The following SAXO1 variants were observed in gnomAD, a reference collection of about 807,000 sequenced individuals.
SAXO1 encodes stabilizer of axonemal microtubules 1.
SAXO1 carries 21 observed loss-of-function variants against 17.5 expected under a neutral mutation model. That is an observed-to-expected ratio of 1.20 (90% CI 0.85 to 1.72). The LOEUF is 1.72. Ranked by LOEUF, SAXO1 falls within the 40% of genes most tolerant of loss-of-function variation. The probability of loss-of-function intolerance (pLI) is 0.00; values close to 1 mark genes in which losing one functional copy is unlikely to be tolerated. For synonymous variants in SAXO1, 274 were observed against 216.5 expected (o/e 1.27, Z -2.33); for missense variants, 843 against 596.0 (o/e 1.41, Z -4.32).
chr9:19,001,517 A>G (rs1834261130), intron 1 of SAXO1, among the ~76,000 whole-genome samples: 1 of 152,026 alleles, frequency 6.6e-6, no homozygotes, highest in Non-Finnish European at 1.5e-5. Flanking sequence ...AACACAAAAA[A>G]TTAGCCAGGT....
At chr9:19,006,442 GAAAT>G (rs1177871871) in intron 1 of SAXO1, among the ~76,000 whole-genome samples, 1 of 152,162 alleles carries the variant, frequency 6.6e-6, no homozygotes. Context: ...GTCTTAAAAA[GAAAT>G]AAAATTTGGA....
intron 1 of SAXO1, among the ~76,000 whole-genome samples, chr9:18,986,256 G>A (rs1833589150): frequency 6.6e-6 from 1 of 152,120 alleles, no homozygotes; most frequent in African/African-American, 2.4e-5. Context: ...CTATTGGGTT[G>A]GTCTTTTTCA....
chr9:19,010,751 G>A (rs981490745), intron 1 of SAXO1, among the ~76,000 whole-genome samples: 1 of 152,190 alleles, frequency 6.6e-6, no homozygotes, highest in East Asian at 1.9e-4. Context: ...GTATACAACA[G>A]TATTCTAGGA....
intron 1 of SAXO1, among the ~76,000 whole-genome samples, chr9:19,003,543 G>T (rs931198618): frequency 2.0e-5 from 3 of 152,112 alleles, no homozygotes; most frequent in African/African-American, 7.2e-5. Flanking sequence ...TACCAAAACA[G>T]ACATATAGAC....
At chr9:18,950,675 T>G in intron 2 of SAXO1, 83 bp downstream of exon 2, 1 of 1,249,564 alleles carries the variant, frequency 8.0e-7, no homozygotes, top group South Asian at 1.6e-5. Flanking sequence ...CACTGCACAT[T>G]ACATTAATAT....
chr9:18,944,839 A>G (rs1831721331), intron 2 of SAXO1, among the ~76,000 whole-genome samples: 1 of 152,254 alleles, frequency 6.6e-6, no homozygotes. Flanking sequence ...ACAAAGGGCC[A>G]TGCAACACTT....
chr9:18,959,319 C>T (rs60784683), intron 1 of SAXO1, among the ~76,000 whole-genome samples: 23,836 of 151,924 alleles, frequency 0.16, 3,997 homozygotes, highest in African/African-American at 0.42. Context: ...CAAAAATAAT[C>T]GGTGGAAAAA....
chr9:18,988,039 A>C (rs1052935439), intron 1 of SAXO1, among the ~76,000 whole-genome samples: 7 of 152,348 alleles, frequency 4.6e-5, no homozygotes, highest in African/African-American at 1.4e-4. Flanking sequence ...CAACTTCTTT[A>C]AACACTACTC....
intron 1 of SAXO1, among the ~76,000 whole-genome samples, chr9:19,029,356 G>T (rs1835655704): frequency 6.6e-6 from 1 of 152,144 alleles, no homozygotes; most frequent in Non-Finnish European, 1.5e-5. Flanking sequence ...GGGAACTGAA[G>T]CCCAGAGAGA....
intron 2 of SAXO1, among the ~76,000 whole-genome samples, chr9:18,949,146 T>C (rs1354045414): frequency 6.6e-6 from 1 of 152,200 alleles, no homozygotes; most frequent in African/African-American, 2.4e-5. Context: ...GTTTAATAAG[T>C]CATAGGTTGA....
At chr9:19,019,229 C>A (rs193259442) in intron 1 of SAXO1, among the ~76,000 whole-genome samples, 5 of 152,086 alleles carry the variant, frequency 3.3e-5, no homozygotes, top group Non-Finnish European at 7.4e-5. Context: ...CTTTCAAGTC[C>A]GATGATCATA....
chr9:18,969,418 A>C (rs770308094), intron 1 of SAXO1, among the ~76,000 whole-genome samples: 5 of 152,176 alleles, frequency 3.3e-5, no homozygotes, highest in African/African-American at 4.8e-5. Flanking sequence ...GCTGTGCTAA[A>C]CAAATATTTC....
In SAXO1 at chr9:18,927,970, A is replaced by G. The variant is rs1830834893; in HGVS notation, c.*82T>C. ...TTTTTTGTTTTTTGTCATTTTAGGGAATTCTTTTTTGTCCAACAAATAATT... is the reference window on the plus strand; with the variant it reads ...TTTTTTGTTTTTTGTCATTTTAGGGGATTCTTTTTTGTCCAACAAATAATT... On this transcript the variant is annotated 3_prime_UTR_variant, in exon 4 of 4. Coordinates refer to ENST00000380534, the MANE Select transcript of SAXO1 (RefSeq NM_153707.4). 3 of 1,423,150 alleles carry G rather than the reference A, an allele frequency of 2.1e-6. No individual in the cohort carries two copies. Among genetic ancestry groups the G allele is most frequent in the Admixed American group, 4.8e-5 (2 of 41,972 alleles). The allele number at this position is 1,423,150 out of a possible 1,614,324, so 88.2% of individuals were successfully genotyped here.
At chr9:18,993,572 A>C (rs1311194125) in intron 1 of SAXO1, among the ~76,000 whole-genome samples, 1 of 152,216 alleles carries the variant, frequency 6.6e-6, no homozygotes, top group Non-Finnish European at 1.5e-5. Context: ...CAGGAGAGGT[A>C]CAAGTTACAG....
At chr9:18,932,269 C>G (rs550711572) in intron 3 of SAXO1, among the ~76,000 whole-genome samples, 2 of 152,328 alleles carry the variant, frequency 1.3e-5, no homozygotes, top group Admixed American at 6.5e-5. Context: ...GTCCCAGCAC[C>G]ATTCATCAAA....
At chr9:18,960,648 T>C (rs1376093872) in intron 1 of SAXO1, among the ~76,000 whole-genome samples, 3 of 152,074 alleles carry the variant, frequency 2.0e-5, no homozygotes, top group African/African-American at 4.8e-5. Context: ...CCAGGTGTGG[T>C]GGCATGTGCC....
chr9:19,005,774 C>T (rs991446982), intron 1 of SAXO1, among the ~76,000 whole-genome samples: 1 of 152,176 alleles, frequency 6.6e-6, no homozygotes, highest in Non-Finnish European at 1.5e-5. Context: ...ATAAATTGGT[C>T]TTCATCGAAA....
intron 1 of SAXO1, among the ~76,000 whole-genome samples, chr9:18,986,567 T>A (rs1341490781): frequency 6.6e-6 from 1 of 152,070 alleles, no homozygotes; most frequent in African/African-American, 2.4e-5. Flanking sequence ...AAGTGACATT[T>A]TTCCTGTAGC....
chr9:19,007,342 T>C (rs561940730), intron 1 of SAXO1, among the ~76,000 whole-genome samples: 1 of 151,920 alleles, frequency 6.6e-6, no homozygotes, highest in East Asian at 1.9e-4. Flanking sequence ...CAGAACTCCA[T>C]CTCAAAAAAA....
Sources: gnomAD v4.1 joint callset for allele counts (sites outside exome capture counted in the v4.1 genomes callset) on GRCh38, gnomAD v4.1.1 for gene constraint, MANE v1.5 for transcripts, NCBI Gene and HGNC (gene_info 2026-07-23, HGNC 2026-07-21) for gene names.